The following ARPP21 variants were observed in gnomAD, a reference collection of about 807,000 sequenced individuals.
ARPP21 encodes the protein cAMP regulated phosphoprotein 21, also known as cAMP-regulated phosphoprotein 21.
In ARPP21, 69 loss-of-function variants were observed where a neutral mutation model predicts 113.2. The observed-to-expected ratio is 0.61, with a 90% CI of 0.50 to 0.74. The LOEUF (loss-of-function observed/expected upper bound fraction) is 0.74, where lower values mean the gene tolerates loss of function less well. Ranked by LOEUF, ARPP21 falls within the 30% of genes least tolerant of loss-of-function variation. ARPP21 has a pLI of 0.00. For missense variants in ARPP21, 1,070 were observed against 1,037.4 expected (o/e 1.03, Z -0.43); for synonymous variants, 368 against 375.5 (o/e 0.98, Z 0.23).
chr3:35,713,754 ACT>A (rs1024022568), intron 11 of ARPP21, among the ~76,000 whole-genome samples: 6 of 151,910 alleles, frequency 3.9e-5, no homozygotes, highest in African/African-American at 1.5e-4. Context: ...GGGGTTCTTA[ACT>A]CTCCCCCAAA....
At chr3:35,642,298 T>G (rs1698359218) in intron 1 of ARPP21, 4 of 152,160 alleles carry the variant, frequency 2.6e-5, no homozygotes, top group Admixed American at 2.6e-4. Context: ...GTGCAGTCTA[T>G]TTTTAATGCT....
chr3:35,771,508 T>C (rs772104785), intron 19 of ARPP21, among the ~76,000 whole-genome samples: 3 of 152,094 alleles, frequency 2.0e-5, no homozygotes, highest in Non-Finnish European at 4.4e-5. Context: ...TTTGTATTTT[T>C]AGTAATGACG....
At chr3:35,768,033 G>A (rs570123777) in intron 19 of ARPP21, among the ~76,000 whole-genome samples, 2 of 149,894 alleles carry the variant, frequency 1.3e-5, no homozygotes, top group Admixed American at 6.7e-5. Context: ...CCCAATAAAC[G>A]CATCCAGCTC....
At chr3:35,652,408 A>G (rs959824354) in intron 1 of ARPP21, among the ~76,000 whole-genome samples, 1 of 152,108 alleles carries the variant, frequency 6.6e-6, no homozygotes, top group African/African-American at 2.4e-5. Context: ...CTAGCAAGAG[A>G]AGAGAGCTCT....
intron 1 of ARPP21, among the ~76,000 whole-genome samples, chr3:35,667,095 A>G (rs2074566982): frequency 6.6e-6 from 1 of 152,194 alleles, no homozygotes; most frequent in Admixed American, 6.5e-5. Context: ...TAATGTATCT[A>G]TGACTCAGCT....
intron 1 of ARPP21, among the ~76,000 whole-genome samples, chr3:35,655,112 G>A (rs1016484638): frequency 1.3e-5 from 2 of 151,744 alleles, no homozygotes; most frequent in Non-Finnish European, 1.5e-5. Context: ...TTCATCATAT[G>A]CATTAGCTAG....
intron 8 of ARPP21, among the ~76,000 whole-genome samples, 172 bp from the exon 9 acceptor site, chr3:35,690,693 C>A (rs1252868537): frequency 2.0e-5 from 3 of 151,440 alleles, no homozygotes; most frequent in African/African-American, 7.3e-5. Context: ...ATCAATAAAT[C>A]TATAATAAGT....
intron 19 of ARPP21, among the ~76,000 whole-genome samples, chr3:35,750,449 TC>T (rs1324076097): frequency 6.6e-6 from 1 of 152,166 alleles, no homozygotes; most frequent in Non-Finnish European, 1.5e-5. Context: ...TGATTTCAGT[TC>T]TTATAAAATT....
chr3:35,733,215 T>A (rs2094117739), intron 15 of ARPP21, among the ~76,000 whole-genome samples: 1 of 151,978 alleles, frequency 6.6e-6, no homozygotes, highest in Non-Finnish European at 1.5e-5. Context: ...TTTTTTCCTT[T>A]CCTGAGATTG....
chr3:35,710,397 C>A (rs2090672576), intron 11 of ARPP21, among the ~76,000 whole-genome samples: 1 of 152,072 alleles, frequency 6.6e-6, no homozygotes, highest in African/African-American at 2.4e-5. Context: ...TGATCTTTTC[C>A]AGTCATAATA....
intron 19 of ARPP21, chr3:35,784,750 T>G (rs2096595997): frequency 6.6e-6 from 1 of 152,172 alleles, no homozygotes; most frequent in African/African-American, 2.4e-5. Flanking sequence ...AGAAGTTAGT[T>G]ATCGTTGACT....
chr3:35,710,854 C>G (rs1415970678), intron 11 of ARPP21, among the ~76,000 whole-genome samples: 2 of 152,136 alleles, frequency 1.3e-5, no homozygotes, highest in Admixed American at 6.5e-5. Context: ...ATGACTTTCT[C>G]TATACATTGC....
intron 19 of ARPP21, among the ~76,000 whole-genome samples, chr3:35,759,461 T>A (rs368908235): frequency 6.6e-6 from 1 of 152,252 alleles, no homozygotes; most frequent in South Asian, 2.1e-4. Flanking sequence ...ATGTTTGGTG[T>A]GTTGTAGACT....
intron 15 of ARPP21, among the ~76,000 whole-genome samples, chr3:35,731,191 T>C (rs963379863): frequency 2.6e-5 from 4 of 152,148 alleles, no homozygotes; most frequent in Non-Finnish European, 4.4e-5. Flanking sequence ...AACAGAGTAT[T>C]TTTAGGGTAC....
chr3:35,729,399 G>T lies in ARPP21; in HGVS notation c.1322G>T (p.Gly441Val). ...STPLVSGVAA[G>V]SPGCVPYPEN... ...CCCCTAGTCTCAGGTGTGGCAGCTG[G>T]CTCTCCAGGCTGTGTGCCTTATCCA... is the stretch of plus-strand genomic sequence containing the variant. Residue 441 changes from glycine (G) to valine (V), a missense_variant, in exon 15 of 21, where the codon GGC becomes GTC. Transcript: ENST00000684406. The T allele has an allele frequency of 6.2e-7, 1 of 1,614,140 alleles. No individual in the cohort carries two copies.
rs182744094 is a variant in ARPP21, at chr3:35,775,298, C to A, written c.2138-17084C>A. On this transcript the variant is annotated intron_variant, in intron 19 of 20. Coordinates refer to ENST00000684406, the MANE Select transcript of ARPP21 (RefSeq NM_001385562.1). ...GGTTAAAGACAAAGAAAATGAGAAA[C>A]AAATGCAATTTATCAGGAGCGCAGA... 5.9e-5 allele frequency among the ~76,000 whole-genome samples: 9 copies of A among 152,224 alleles called. No individual in the cohort carries two copies. In the East Asian group the frequency reaches 1.7e-3, roughly 29 times the overall value.
At chr3:35,679,365 G>A (rs41285093) in intron 1 of ARPP21, among the ~76,000 whole-genome samples, 21,402 of 151,714 alleles carry the variant, frequency 0.14, 1,720 homozygotes, top group South Asian at 0.28. Context: ...CACATAAACA[G>A]CATTAAAATG....
At chr3:35,742,024 CA>C (rs1335189061) in intron 18 of ARPP21, among the ~76,000 whole-genome samples, 20 of 152,156 alleles carry the variant, frequency 1.3e-4, no homozygotes, top group Non-Finnish European at 1.5e-5. Flanking sequence ...ACAAAACAAA[CA>C]ACAACAAAAA....
At chr3:35,778,519 C>A (rs759916934) in intron 19 of ARPP21, among the ~76,000 whole-genome samples, 1 of 152,176 alleles carries the variant, frequency 6.6e-6, no homozygotes, top group Non-Finnish European at 1.5e-5. Context: ...ACTGGTTTCT[C>A]CCCTAAGACC....
Sources: gnomAD v4.1 joint callset for allele counts (sites outside exome capture counted in the v4.1 genomes callset) on GRCh38, gnomAD v4.1.1 for gene constraint, MANE v1.5 for transcripts, NCBI Gene and HGNC (gene_info 2026-07-23, HGNC 2026-07-21) for gene names.